Variants in VPS8 observed in about 807,000 individuals in gnomAD.
The protein encoded by VPS8 is vacuolar protein sorting-associated protein 8 homolog.
VPS8 carries 129 observed loss-of-function variants against 216.4 expected under a neutral mutation model. The observed-to-expected ratio is 0.60, with a 90% CI of 0.52 to 0.69. The LOEUF (loss-of-function observed/expected upper bound fraction) is 0.69. Among genes scored for constraint, VPS8 ranks in the 30% least tolerant of loss-of-function variants. The probability of loss-of-function intolerance (pLI) is 0.00; values close to 1 mark genes in which losing one functional copy is unlikely to be tolerated. For synonymous variants in VPS8, 571 were observed against 565.4 expected (o/e 1.01, Z -0.14); for missense variants, 1,531 against 1,683.5 (o/e 0.91, Z 1.59).
At position 184,862,226 on chromosome 3, in the gene VPS8, G is replaced by T. The variant is rs139961552; in HGVS notation, c.1225-671G>T. On this transcript the variant is annotated intron_variant, in intron 15 of 47. Transcript: ENST00000625842. The stretch of plus-strand genomic sequence containing the variant: ...TTTTAAGATTTATTTCTTGGGAAAC[G>T]ATTGGGATTGCCAAAAAAAAATTTG... Among the ~76,000 whole-genome samples the T allele has an allele frequency of 3.9e-5, 6 of 152,154 alleles. No individual in the cohort carries two copies. In the East Asian group the frequency reaches 1.2e-3, roughly 29 times the overall value.
At chr3:184,992,689 G>A (rs1275026006) in intron 42 of VPS8, among the ~76,000 whole-genome samples, 1 of 151,960 alleles carries the variant, frequency 6.6e-6, no homozygotes, top group Non-Finnish European at 1.5e-5. Flanking sequence ...TATTTGGCAT[G>A]GAAAAGAGTC....
chr3:184,837,409 C>T (rs1476149402), intron 5 of VPS8, among the ~76,000 whole-genome samples: 1 of 152,180 alleles, frequency 6.6e-6, no homozygotes, highest in Admixed American at 6.5e-5. Flanking sequence ...TAAGTGAGGT[C>T]TTACTAGAGT....
At chr3:184,922,391 A>AATT (rs752914263) in intron 29 of VPS8, 43 of 452,746 alleles carry the variant, frequency 9.5e-5, no homozygotes, top group East Asian at 1.4e-4. Flanking sequence ...GGATTATTCT[A>AATT]ATTATTATTA....
At chr3:184,997,645 C>T (rs2109880773) in intron 44 of VPS8, among the ~76,000 whole-genome samples, 1 of 152,058 alleles carries the variant, frequency 6.6e-6, no homozygotes, top group African/African-American at 2.4e-5. Context: ...CAGGGATAGA[C>T]CATAAGCCAA....
At position 185,051,939 on chromosome 3, in the gene VPS8, T is replaced by A. The variant is rs1485779685; in HGVS notation, c.4201T>A (p.Ser1401Thr). The A allele has an allele frequency of 2.5e-6, 4 of 1,613,660 alleles. No individual in the cohort carries two copies. The South Asian group carries it at 4.4e-5, about 18-fold the overall frequency. Residue 1401 changes from serine to threonine, a missense_variant, in exon 48 of 48, where the codon TCG (serine) becomes ACG (threonine). Transcript: ENST00000625842. Reference protein sequence around the residue: ...SSESYRPFSGSQSAPAFNSIF... With the variant: ...SSESYRPFSGTQSAPAFNSIF... Reference sequence around the variant, plus strand: ...CGAGAGCTATAGGCCATTCAGTGGCTCGCAGAGTGCTCCTGCTTTCAACAG... The same window carrying A: ...CGAGAGCTATAGGCCATTCAGTGGCACGCAGAGTGCTCCTGCTTTCAACAG...
intron 45 of VPS8, among the ~76,000 whole-genome samples, chr3:185,019,782 C>A (rs1421632742): frequency 1.3e-5 from 2 of 152,160 alleles, no homozygotes; most frequent in Non-Finnish European, 2.9e-5. Context: ...CAGTTTGTGG[C>A]CAGATTTGGG....
intron 22 of VPS8, among the ~76,000 whole-genome samples, chr3:184,889,206 A>G (rs1731871645): frequency 6.6e-6 from 1 of 152,132 alleles, no homozygotes; most frequent in Admixed American, 6.5e-5. Context: ...ATTAGGATCC[A>G]TTTATTATTT....
intron 42 of VPS8, among the ~76,000 whole-genome samples, chr3:184,988,314 C>T (rs1751415911): frequency 6.6e-6 from 1 of 152,118 alleles, no homozygotes; most frequent in African/African-American, 2.4e-5. Context: ...ACACTTAGAG[C>T]TATGATCCAT....
At chr3:185,033,580 A>G (rs934049533) in intron 46 of VPS8, among the ~76,000 whole-genome samples, 1 of 152,262 alleles carries the variant, frequency 6.6e-6, no homozygotes, top group Non-Finnish European at 1.5e-5. Context: ...CTAAAGCTGC[A>G]GTAAATAGCC....
chr3:184,971,613 A>G lies in VPS8; in HGVS notation c.3317-36A>G, dbSNP rs370138358. On this transcript the variant is annotated intron_variant, in intron 39 of 47. Coordinates refer to ENST00000625842, the MANE Select transcript of VPS8 (RefSeq NM_001009921.3). ...GAGGCTCTGAGATTATCAGCAACATATCCTTAAATGATGTTTACACTTTTT... is the reference window on the plus strand; with the variant it reads ...GAGGCTCTGAGATTATCAGCAACATGTCCTTAAATGATGTTTACACTTTTT... The G allele has an allele frequency of 2.0e-6, 3 of 1,538,016 alleles. No homozygotes were observed. The African/African-American group carries it at 4.1e-5, about 21-fold the overall frequency.
chr3:184,950,145 G>T (rs1744403083), intron 36 of VPS8, among the ~76,000 whole-genome samples: 1 of 141,346 alleles, frequency 7.1e-6, no homozygotes, highest in Admixed American at 7.4e-5. Context: ...TGGCCTCAAA[G>T]AATCCACCCA....
Position 184,875,300 on chromosome 3 carries a change from A to G in VPS8, c.1734+4495A>G, listed in dbSNP as rs138604388. ...AACCTCACCTTTTCCTTAGAGTCAG[A>G]ATATGTAAGGCTATTCACTATTTTT... On this transcript the variant is annotated intron_variant, in intron 21 of 47. Transcript: ENST00000625842. Among the ~76,000 whole-genome samples the G allele has an allele frequency of 4.8e-3, 734 of 152,164 alleles. 4 individuals carry two copies. The highest frequency in any genetic ancestry group is 7.9e-3 in the Non-Finnish European group (538 of 68,006).
intron 44 of VPS8, among the ~76,000 whole-genome samples, chr3:184,998,571 G>C (rs1752961614): frequency 7.3e-6 from 1 of 137,516 alleles, no homozygotes. Context: ...GAAGAAAAAA[G>C]AAAAAGAGTA....
chr3:184,906,282 G>A (rs752793225), intron 25 of VPS8, among the ~76,000 whole-genome samples: 130 of 152,002 alleles, frequency 8.6e-4, no homozygotes, highest in Non-Finnish European at 1.2e-3. Flanking sequence ...GTCAGAAAAT[G>A]TACTTTTTAT....
rs1746996732 is a variant in VPS8, at chr3:184,964,148, C to T, written c.3184-320C>T. ...CATTTTCAATTTTTTAATAATTATACTTGATCAAGTTCTAGTTTGTATTGT... is the reference window on the plus strand; with the variant it reads ...CATTTTCAATTTTTTAATAATTATATTTGATCAAGTTCTAGTTTGTATTGT... On this transcript the variant is annotated intron_variant, in intron 37 of 47. Transcript: ENST00000625842. 1.3e-5 allele frequency among the ~76,000 whole-genome samples: 2 copies of T among 151,676 alleles called. 1 individual carries two copies. Among genetic ancestry groups the T allele is most frequent in the South Asian group, 4.1e-4 (2 of 4,824 alleles).
In VPS8 at chr3:185,052,123, C is replaced by T. The variant is rs2271257; in HGVS notation, c.*98C>T. 608,860 of 1,364,716 alleles carry T rather than the reference C, an allele frequency of 0.45. 138,338 individuals are homozygous for T. The highest frequency in any genetic ancestry group is 0.65 in the East Asian group (24,944 of 38,316). 84.5% of individuals were successfully genotyped at this position (1,364,716 alleles called of 1,614,324 possible). On this transcript the variant is annotated 3_prime_UTR_variant, in exon 48 of 48. Coordinates refer to ENST00000625842, the MANE Select transcript of VPS8 (RefSeq NM_001009921.3). ...TGGGCTTGGCCTCCACCACCTCCCACGCTTCTGAGAAGAGGTTCCAAATTG... is the reference window on the plus strand; with the variant it reads ...TGGGCTTGGCCTCCACCACCTCCCATGCTTCTGAGAAGAGGTTCCAAATTG...
At chr3:184,893,450 A>T in intron 22 of VPS8, 1 of 818,308 alleles carries the variant, frequency 1.2e-6, no homozygotes, top group South Asian at 3.0e-5. Context: ...TTTTTTAAAA[A>T]ACAGAATGAA....
intron 28 of VPS8, among the ~76,000 whole-genome samples, chr3:184,919,734 G>A (rs1469839551): frequency 1.3e-5 from 2 of 152,074 alleles, no homozygotes; most frequent in East Asian, 1.9e-4. Flanking sequence ...TTAATAAAAT[G>A]TGTCTTAGTT....
At chr3:184,975,237 G>T (rs1016910349) in intron 40 of VPS8, among the ~76,000 whole-genome samples, 1 of 152,158 alleles carries the variant, frequency 6.6e-6, no homozygotes, top group Non-Finnish European at 1.5e-5. Context: ...GAGTTTTGTA[G>T]TTTTCCATAT....
Sources: gnomAD v4.1 joint callset for allele counts (sites outside exome capture counted in the v4.1 genomes callset) on GRCh38, gnomAD v4.1.1 for gene constraint, MANE v1.5 for transcripts, NCBI Gene and HGNC (gene_info 2026-07-23, HGNC 2026-07-21) for gene names.